Variants in SLC9A3 observed in about 807,000 individuals in gnomAD.
SLC9A3 encodes the protein sodium/hydrogen exchanger 3.
Under a neutral mutation model 86.8 loss-of-function variants are expected in SLC9A3, and 37 were observed. The ratio of observed to expected loss-of-function variants is 0.43; its 90% CI spans 0.33 to 0.56. The LOEUF (loss-of-function observed/expected upper bound fraction) is 0.56. Ranked by LOEUF, SLC9A3 falls within the 20% of genes least tolerant of loss-of-function variation. SLC9A3 has a pLI of 0.06. For missense variants in SLC9A3, 1,011 were observed against 1,171.9 expected, an observed-to-expected ratio of 0.86 and a Z score of 2.00; for synonymous variants, 581 against 528.3, an observed-to-expected ratio of 1.10 and a Z score of -1.37.
intron 1 of SLC9A3, among the ~76,000 whole-genome samples, chr5:523,098 G>A (rs1733932450): frequency 6.6e-6 from 1 of 152,170 alleles, no homozygotes; most frequent in South Asian, 2.1e-4. Flanking sequence ...GAGACAGAAA[G>A]CAAACACACA....
In SLC9A3 at chr5:491,219, G is replaced by A. The variant is rs1032138893; in HGVS notation, c.514+550C>T. ...CTGTAGCATCCCCGGCAGCAGCGGCGGGCATCAGGGCTGCACCGCACCTGG... is the reference window on the plus strand; with the variant it reads ...CTGTAGCATCCCCGGCAGCAGCGGCAGGCATCAGGGCTGCACCGCACCTGG... On this transcript the variant is annotated intron_variant, in intron 2 of 16. Transcript: ENST00000264938. This position sits in a 1 kb window ranked among gnomAD's most constrained non-coding sequence, Gnocchi z 9.2. Among the ~76,000 whole-genome samples the A allele has an allele frequency of 2.6e-5, 4 of 152,174 alleles. No individual in the cohort carries two copies. The highest frequency in any genetic ancestry group is 4.4e-5 in the Non-Finnish European group (3 of 68,018).
chr5:494,354 G>A (rs1365177754), intron 1 of SLC9A3, among the ~76,000 whole-genome samples: 4 of 152,190 alleles, frequency 2.6e-5, no homozygotes, highest in African/African-American at 9.6e-5. Context: ...AGAGCTTTGG[G>A]AAGAGACATG....
At chr5:494,990 T>C (rs1739955206) in intron 1 of SLC9A3, among the ~76,000 whole-genome samples, 1 of 151,932 alleles carries the variant, frequency 6.6e-6, no homozygotes, top group Non-Finnish European at 1.5e-5. Flanking sequence ...CCAATAGCGC[T>C]TGTGGAGCAG....
intron 1 of SLC9A3, among the ~76,000 whole-genome samples, chr5:512,815 G>GCGA (rs1339969579): frequency 6.6e-6 from 1 of 152,140 alleles, no homozygotes; most frequent in Non-Finnish European, 1.5e-5. Flanking sequence ...CTGAGTCCTG[G>GCGA]CGGAGCCCAG....
intron 5 of SLC9A3, 134 bp from the exon 6 acceptor site, chr5:483,616 C>T (rs773970943): frequency 3.9e-5 from 27 of 693,998 alleles, no homozygotes; most frequent in South Asian, 2.2e-4. Context: ...GCCTCTTCCT[C>T]CCGAGCCAGG....
chr5:519,701 G>A (rs1291844468), intron 1 of SLC9A3, among the ~76,000 whole-genome samples: 1 of 152,158 alleles, frequency 6.6e-6, no homozygotes, highest in African/African-American at 2.4e-5. Flanking sequence ...CGGGAGCAGG[G>A]AACCTGGCGC....
intron 10 of SLC9A3, chr5:478,011 C>G (rs930895461): frequency 4.6e-5 from 7 of 152,724 alleles, no homozygotes; most frequent in African/African-American, 1.7e-4. Flanking sequence ...GGGCTTATGG[C>G]TGGAGTCAGG....
At chr5:490,891 A>G (rs1739702037) in intron 2 of SLC9A3, among the ~76,000 whole-genome samples, 1 of 152,168 alleles carries the variant, frequency 6.6e-6, no homozygotes. Flanking sequence ...GAGGGGTGAG[A>G]AGGCGCCAAG....
At chr5:520,648 C>A (rs2126660737) in intron 1 of SLC9A3, among the ~76,000 whole-genome samples, 1 of 152,284 alleles carries the variant, frequency 6.6e-6, no homozygotes, top group South Asian at 2.1e-4. Flanking sequence ...AGGTGGGGAC[C>A]AAAGTCCTCC....
chr5:482,043 C>T (rs760397149), intron 8 of SLC9A3, 25 bp downstream of exon 8: 1 of 588,206 alleles, frequency 1.7e-6, no homozygotes, highest in East Asian at 3.6e-5. Context: ...AGTGCCCCCC[C>T]CCCGCCCCCC....
chr5:485,632 G>A (rs866928942), intron 3 of SLC9A3, among the ~76,000 whole-genome samples: 129 of 152,332 alleles, frequency 8.5e-4, no homozygotes, highest in African/African-American at 2.9e-3. Context: ...ACCTTAGCCC[G>A]GCAAAACCCA....
In SLC9A3 at chr5:472,169, G is replaced by T; in HGVS notation, c.*1210C>A. ...CACCCGCGGCCTCCGCCCACTCAAT[G>T]GACTGTGCCTCCCAGAGCTTGGGCT... On this transcript the variant is annotated 3_prime_UTR_variant, in exon 17 of 17. Coordinates refer to ENST00000264938, the MANE Select transcript of SLC9A3 (RefSeq NM_004174.4). 2.7e-6 allele frequency: 1 copy of T among 372,470 alleles called. No individual in the cohort carries two copies. Among genetic ancestry groups the T allele is most frequent in the South Asian group, 2.0e-5 (1 of 49,840 alleles). The allele number at this position is 372,470 out of a possible 1,614,324, so 23.1% of individuals were successfully genotyped here. A position where few individuals can be genotyped will look rare whatever the true frequency, so the allele number is the denominator to read the frequency against.
chr5:475,949 C>T (rs1738698971), intron 14 of SLC9A3, 71 bp downstream of exon 14: 4 of 1,352,792 alleles, frequency 3.0e-6, no homozygotes, highest in African/African-American at 1.5e-5. Context: ...GGGAGGTTCC[C>T]GAGCCGGGAG....
Position 475,081 on chromosome 5 carries a change from A to G in SLC9A3, c.2303T>C (p.Leu768Pro), listed in dbSNP as rs1438075692. 5 of 1,610,980 alleles carry G rather than the reference A, an allele frequency of 3.1e-6. No homozygotes were observed. Among genetic ancestry groups the G allele is most frequent in the South Asian group, 1.1e-5 (1 of 90,996 alleles). ...SPDEALDRSL[L>P]ARLPPWLSPG... The stretch of plus-strand genomic sequence containing the variant: ...AGACAGCCAGGGCGGCAGCCTGGCC[A>G]GGAGGCTGCGGTCCAGGGCCTCGTC... The change falls in exon 16 of 17, where the codon CTG becomes CCG. Residue 768 changes from leucine (L) to proline (P), a missense_variant. By Grantham distance (98) the Leu-to-Pro change is moderately conservative. This residue lies in a region of SLC9A3 where 397 missense variants were observed against 346.3 expected (regional missense o/e 1.15). Coordinates refer to ENST00000264938, the MANE Select transcript of SLC9A3 (RefSeq NM_004174.4).
At chr5:522,019 G>A (rs1433558276) in intron 1 of SLC9A3, among the ~76,000 whole-genome samples, 2 of 152,242 alleles carry the variant, frequency 1.3e-5, no homozygotes, top group East Asian at 3.9e-4. Context: ...GTGCACAGTG[G>A]GTTGAGGGGA....
chr5:508,012 G>GCT (rs1175710939), intron 1 of SLC9A3, among the ~76,000 whole-genome samples: 1 of 147,700 alleles, frequency 6.8e-6, no homozygotes, highest in Non-Finnish European at 1.5e-5. Flanking sequence ...GAATCTCCCC[G>GCT]CTACACCCAA....
At chr5:517,762 TC>T (rs1184311574) in intron 1 of SLC9A3, among the ~76,000 whole-genome samples, 1 of 146,772 alleles carries the variant, frequency 6.8e-6, no homozygotes, top group Admixed American at 6.8e-5. Context: ...CATCCATCCA[TC>T]CACCCATCCA....
intron 1 of SLC9A3, among the ~76,000 whole-genome samples, chr5:508,100 G>C (rs888105946): frequency 6.6e-6 from 1 of 152,270 alleles, no homozygotes; most frequent in Non-Finnish European, 1.5e-5. Context: ...GGAGCCAGGG[G>C]AAGGGGTGAC....
Position 477,025 on chromosome 5 carries a change from G to C in SLC9A3, c.1760+307C>G, listed in dbSNP as rs368285109. 124 of 504,886 alleles carry C rather than the reference G, an allele frequency of 2.5e-4. 2 individuals are homozygous for C. The highest frequency in any genetic ancestry group is 2.0e-3 in the African/African-American group (107 of 52,364). The allele number at this position is 504,886 out of a possible 1,614,324, so 31.3% of individuals were successfully genotyped here. A position where few individuals can be genotyped will look rare whatever the true frequency, so the allele number is the denominator to read the frequency against. On this transcript the variant is annotated intron_variant, in intron 11 of 16. Transcript: ENST00000264938. Reference sequence around the variant, plus strand: ...AACTGGCTGTGAGCTGTGGAGCCCAGGGCCGGAGGAGCAGTAAGGGTGGCA... The same window carrying C: ...AACTGGCTGTGAGCTGTGGAGCCCACGGCCGGAGGAGCAGTAAGGGTGGCA...
Sources: allele counts gnomAD v4.1 joint callset (sites outside exome capture counted in the v4.1 genomes callset), GRCh38; gene constraint gnomAD v4.1.1; regional missense constraint gnomAD v4.1.1; non-coding constraint Gnocchi (gnomAD v3.1); transcripts MANE v1.5; gene names NCBI Gene and HGNC (gene_info 2026-07-23, HGNC 2026-07-21).